Variants in DAB1 observed in about 807,000 individuals in gnomAD.
DAB1 encodes DAB adaptor protein 1, also known as disabled homolog 1.
A neutral mutation model predicts 64.6 loss-of-function variants in DAB1; 15 were observed. That is an observed-to-expected ratio of 0.23 (90% CI 0.16 to 0.36). DAB1 has a LOEUF of 0.36. Ranked by LOEUF, DAB1 falls within the 10% of genes least tolerant of loss-of-function variation. DAB1 has a pLI of 1.00. For missense variants in DAB1, 596 were observed against 706.7 expected (o/e 0.84, Z 1.78); for synonymous variants, 235 against 251.9 (o/e 0.93, Z 0.64).
At chr1:58,331,366 C>T (rs1016028337) in intron 4 of DAB1, among the ~76,000 whole-genome samples, 11 of 152,090 alleles carry the variant, frequency 7.2e-5, no homozygotes, top group African/African-American at 2.7e-4. Flanking sequence ...ATGCTATGAA[C>T]CCTGTGGAAA....
intron 5 of DAB1, among the ~76,000 whole-genome samples, chr1:57,991,027 G>A (rs1453849282): frequency 2.0e-5 from 3 of 152,174 alleles, no homozygotes; most frequent in Admixed American, 6.5e-5. Flanking sequence ...AGTGGGCTCT[G>A]TATGATGCCA....
intron 3 of DAB1, among the ~76,000 whole-genome samples, chr1:58,389,302 G>A (rs1487616692): frequency 1.3e-5 from 2 of 152,148 alleles, no homozygotes; most frequent in East Asian, 1.9e-4. Flanking sequence ...TCAGGGCATG[G>A]TGGTGCATGC....
At chr1:57,589,594 T>C (rs2101567612) in intron 7 of DAB1, among the ~76,000 whole-genome samples, 1 of 152,038 alleles carries the variant, frequency 6.6e-6, no homozygotes, top group East Asian at 1.9e-4. Flanking sequence ...CCATCTCTAC[T>C]AAAAATACAG....
intron 4 of DAB1, among the ~76,000 whole-genome samples, chr1:57,108,245 T>C (rs1655346830): frequency 6.6e-6 from 1 of 152,198 alleles, no homozygotes; most frequent in Non-Finnish European, 1.5e-5. Flanking sequence ...CTGAGAGACA[T>C]ATTTGTTAAA....
intron 2 of DAB1, among the ~76,000 whole-genome samples, chr1:57,207,513 G>A (rs578088400): frequency 7.8e-6 from 1 of 127,698 alleles, no homozygotes; most frequent in African/African-American, 2.9e-5. Context: ...GCGGGATCTC[G>A]GCTCACTGCA....
chr1:58,321,822 C>T (rs541338241), intron 4 of DAB1, among the ~76,000 whole-genome samples: 1 of 152,200 alleles, frequency 6.6e-6, no homozygotes, highest in African/African-American at 2.4e-5. Context: ...TAGACCCCAC[C>T]CCTGGGGGCA....
At chr1:57,120,254 GATATA>G (rs1031758687) in intron 4 of DAB1, among the ~76,000 whole-genome samples, 25 of 152,210 alleles carry the variant, frequency 1.6e-4, no homozygotes, top group African/African-American at 5.8e-4. Flanking sequence ...ATATTAGTCT[GATATA>G]ATGAAATGAG....
intron 6 of DAB1, among the ~76,000 whole-genome samples, chr1:57,694,256 T>G (rs1022239721): frequency 6.6e-6 from 1 of 152,178 alleles, no homozygotes; most frequent in Non-Finnish European, 1.5e-5. Flanking sequence ...ATGCTATCAA[T>G]GCTGGATGTA....
intron 6 of DAB1, among the ~76,000 whole-genome samples, chr1:57,703,552 T>C (rs1646932109): frequency 6.6e-6 from 1 of 151,912 alleles, no homozygotes; most frequent in South Asian, 2.1e-4. Context: ...GCTGGGAAAG[T>C]TGTGGAGAAA....
chr1:57,454,797 A>G (rs113875726), intron 7 of DAB1, among the ~76,000 whole-genome samples: 2 of 152,286 alleles, frequency 1.3e-5, no homozygotes, highest in African/African-American at 4.8e-5. Context: ...TCACTCGCTT[A>G]ACAGACCTTT....
chr1:57,753,686 T>C (rs1411253113), intron 6 of DAB1, among the ~76,000 whole-genome samples: 1 of 152,242 alleles, frequency 6.6e-6, no homozygotes, highest in East Asian at 1.9e-4. Flanking sequence ...CAAAACATTT[T>C]ATAGCTCATC....
intron 14 of DAB1, among the ~76,000 whole-genome samples, chr1:57,000,040 C>CTTTTTTTT (rs397863684): frequency 1.8e-5 from 2 of 112,470 alleles, no homozygotes; most frequent in Non-Finnish European, 1.8e-5. Context: ...TTCCTTCTGC[C>CTTTTTTTT]TTTTTTTTTT....
At chr1:57,695,480 T>A (rs761195147) in intron 6 of DAB1, among the ~76,000 whole-genome samples, 1 of 152,082 alleles carries the variant, frequency 6.6e-6, no homozygotes, top group Non-Finnish European at 1.5e-5. Context: ...GTATAACTGG[T>A]ATGACTGTAG....
chr1:57,433,695 C>T lies in DAB1; in HGVS notation n.626-142529G>A, dbSNP rs969991773. Among the ~76,000 whole-genome samples, 94 of 151,722 alleles carry T rather than the reference C, an allele frequency of 6.2e-4. 1 individual carries two copies. Among genetic ancestry groups the T allele is most frequent in the African/African-American group, 2.1e-3 (85 of 41,350 alleles). On this transcript the variant is annotated intron_variant and non_coding_transcript_variant, in intron 7 of 20. Coordinates refer to the DAB1 transcript ENST00000485760. ...TAGAATATTTGATGATCAAAGAAAA[C>T]ATTAAGAAAGTTAATGGTAAACCAC... is the stretch of plus-strand genomic sequence containing the variant.
intron 9 of DAB1, among the ~76,000 whole-genome samples, chr1:57,057,833 C>T (rs971058162): frequency 9.9e-5 from 15 of 152,006 alleles, no homozygotes; most frequent in Admixed American, 7.2e-4. Context: ...TGGTCTCGAT[C>T]TCCTGACCTC....
chr1:58,318,117 T>C (rs918971135), intron 4 of DAB1, among the ~76,000 whole-genome samples: 1 of 152,188 alleles, frequency 6.6e-6, no homozygotes, highest in Admixed American at 6.5e-5. Context: ...TGCTAGATTG[T>C]GTGGCTCAGA....
intron 5 of DAB1, among the ~76,000 whole-genome samples, chr1:57,902,987 C>T (rs112148713): frequency 2.0e-5 from 3 of 152,190 alleles, no homozygotes; most frequent in African/African-American, 7.2e-5. Context: ...ACAATCATGG[C>T]GGAAGGCAAA....
chr1:57,127,227 G>A (rs1177877877), intron 4 of DAB1, among the ~76,000 whole-genome samples: 1 of 152,148 alleles, frequency 6.6e-6, no homozygotes, highest in Non-Finnish European at 1.5e-5. Flanking sequence ...AAAGCAATCA[G>A]CCATCTAAAT....
At chr1:57,074,626 A>G (rs1222678712) in intron 4 of DAB1, among the ~76,000 whole-genome samples, 1 of 152,172 alleles carries the variant, frequency 6.6e-6, no homozygotes, top group East Asian at 1.9e-4. Context: ...CCAGGGTCTG[A>G]TCATTCACTA....
Sources: gnomAD v4.1 joint callset for allele counts (sites outside exome capture counted in the v4.1 genomes callset) on GRCh38, gnomAD v4.1.1 for gene constraint, MANE v1.5 for transcripts, NCBI Gene and HGNC (gene_info 2026-07-23, HGNC 2026-07-21) for gene names.